The following PDK1 variants were observed in gnomAD, a reference collection of about 807,000 sequenced individuals.
PDK1 encodes the protein [Pyruvate dehydrogenase (acetyl-transferring)] kinase isozyme 1, mitochondrial.
PDK1 carries 39 observed loss-of-function variants against 54.2 expected under a neutral mutation model. The observed-to-expected ratio is 0.72, with a 90% CI of 0.56 to 0.94. PDK1 has a LOEUF of 0.94. Among genes scored for constraint, PDK1 ranks in the 40% least tolerant of loss-of-function variants. PDK1 has a pLI of 0.00. For missense variants in PDK1, 552 were observed against 566.0 expected (o/e 0.98, Z 0.25); for synonymous variants, 221 against 207.1 (o/e 1.07, Z -0.58).
the PDK1 span, among the ~76,000 whole-genome samples, chr2:172,646,340 T>G: frequency 1.7e-4 from 26 of 152,204 alleles, no homozygotes; most frequent in Non-Finnish European, 3.5e-4. Context: ...TGGTGCTCTG[T>G]GGTGGAATAT....
At chr2:172,668,661 G>T in the PDK1 span, among the ~76,000 whole-genome samples, 5 of 151,336 alleles carry the variant, frequency 3.3e-5, no homozygotes, top group Non-Finnish European at 1.5e-5. Flanking sequence ...CCATGATGAT[G>T]ACTGTTTTAT....
At chr2:172,622,587 G>GAT in the PDK1 span, among the ~76,000 whole-genome samples, 2 of 139,086 alleles carry the variant, frequency 1.4e-5, no homozygotes, top group Admixed American at 7.3e-5. Context: ...TATTATGTGA[G>GAT]ATGTTTATAT....
the PDK1 span, among the ~76,000 whole-genome samples, chr2:172,707,234 G>A: frequency 6.6e-6 from 1 of 152,176 alleles, no homozygotes; most frequent in South Asian, 2.1e-4. Context: ...AGGGATGAAA[G>A]TCCTGATCTG....
chr2:172,688,643 A>G, the PDK1 span, among the ~76,000 whole-genome samples: 1 of 152,224 alleles, frequency 6.6e-6, no homozygotes, highest in Non-Finnish European at 1.5e-5. Context: ...GAGGCAGAAG[A>G]GTCTTTAGAC....
the PDK1 span, among the ~76,000 whole-genome samples, chr2:172,622,465 T>A: frequency 6.7e-6 from 1 of 148,244 alleles, no homozygotes; most frequent in Non-Finnish European, 1.5e-5. Context: ...GAGATGTTTA[T>A]ATCTCATATT....
intron 9 of PDK1, among the ~76,000 whole-genome samples, chr2:172,587,234 G>A (rs1690283799): frequency 6.6e-6 from 1 of 152,220 alleles, no homozygotes; most frequent in African/African-American, 2.4e-5. Flanking sequence ...GGTGTATCCA[G>A]AGTTACTTCA....
chr2:172,645,903 A>T, the PDK1 span, among the ~76,000 whole-genome samples: 1 of 152,240 alleles, frequency 6.6e-6, no homozygotes, highest in African/African-American at 2.4e-5. Context: ...GTCAGATGTC[A>T]CACCAAAAAC....
At chr2:172,641,083 ATCCCTCCC>A in the PDK1 span, among the ~76,000 whole-genome samples, 13 of 89,896 alleles carry the variant, frequency 1.4e-4, 1 homozygote, top group East Asian at 2.5e-3. Flanking sequence ...CTCTCTTTCC[ATCCCTCCC>A]TCCCTCCCTC....
the PDK1 span, among the ~76,000 whole-genome samples, chr2:172,683,499 A>AT: frequency 8.5e-5 from 13 of 152,328 alleles, no homozygotes; most frequent in South Asian, 8.3e-4. Context: ...GGGAGCAGGC[A>AT]TCTCACTTGA....
chr2:172,614,233 A>G, the PDK1 span, among the ~76,000 whole-genome samples: 1 of 150,338 alleles, frequency 6.7e-6, no homozygotes, highest in Non-Finnish European at 1.5e-5. Context: ...AGAGTCCTGA[A>G]TGGAAGGGGC....
chr2:172,627,134 G>T, the PDK1 span, among the ~76,000 whole-genome samples: 1 of 152,232 alleles, frequency 6.6e-6, no homozygotes, highest in African/African-American at 2.4e-5. Flanking sequence ...AGGATTGAAT[G>T]ATGCACACGG....
chr2:172,647,113 G>A, the PDK1 span, among the ~76,000 whole-genome samples: 2 of 152,104 alleles, frequency 1.3e-5, no homozygotes, highest in Non-Finnish European at 2.9e-5. Context: ...AGGCCAATAA[G>A]GAGCATACTG....
At chr2:172,672,088 A>C in the PDK1 span, among the ~76,000 whole-genome samples, 1 of 152,176 alleles carries the variant, frequency 6.6e-6, no homozygotes, top group Non-Finnish European at 1.5e-5. Context: ...ACTTTGAAAG[A>C]GACAAGAAGT....
the PDK1 span, among the ~76,000 whole-genome samples, chr2:172,652,861 G>GGAAGA: frequency 6.6e-6 from 1 of 152,170 alleles, no homozygotes; most frequent in Non-Finnish European, 1.5e-5. Flanking sequence ...CTCATGGATA[G>GGAAGA]GAAGAATCAA....
chr2:172,614,144 G>A, the PDK1 span, among the ~76,000 whole-genome samples: 1 of 149,958 alleles, frequency 6.7e-6, no homozygotes, highest in African/African-American at 2.5e-5. Context: ...AATCTCTGCA[G>A]CCTGTGCCCT....
chr2:172,581,538 A>G (rs1869922), intron 8 of PDK1, among the ~76,000 whole-genome samples: 22,719 of 152,244 alleles, frequency 0.15, 1,993 homozygotes, highest in African/African-American at 0.23. Context: ...AAAGGTCTCA[A>G]AAAGACTGTT....
chr2:172,671,847 A>G, the PDK1 span, among the ~76,000 whole-genome samples: 1 of 152,194 alleles, frequency 6.6e-6, no homozygotes, highest in Non-Finnish European at 1.5e-5. Context: ...GAAAGTGAAG[A>G]CAGGTAACAC....
Position 172,587,968 on chromosome 2 carries a change from C to T in PDK1, c.1056+1580C>T, listed in dbSNP as rs188119421. ...AGTGCTGATTGGTATGTTTACGATC[C>T]TTTAGCTAGACAGAAAAGTTCTCCA... On this transcript the variant is annotated intron_variant, in intron 9 of 10. Coordinates refer to ENST00000282077, the MANE Select transcript of PDK1 (RefSeq NM_002610.5). 5.0e-3 allele frequency among the ~76,000 whole-genome samples: 763 copies of T among 152,292 alleles called. 9 individuals carry two copies. The highest frequency in any genetic ancestry group is 0.017 in the African/African-American group (696 of 41,568).
chr2:172,600,147 T>C lies in PDK1; in HGVS notation c.*4178T>C, dbSNP rs939460981. Reference sequence around the variant, plus strand: ...TATGAGGCCAGGACATTTTTAAGTTTGACTCAAATATAAAAAGCCACAGTA... The same window carrying C: ...TATGAGGCCAGGACATTTTTAAGTTCGACTCAAATATAAAAAGCCACAGTA... On this transcript the variant is annotated 3_prime_UTR_variant, in exon 11 of 11. Transcript: ENST00000282077. The C allele has an allele frequency of 6.6e-6, 1 of 152,232 alleles. No individual in the cohort carries two copies. Among genetic ancestry groups the C allele is most frequent in the African/African-American group, 2.4e-5 (1 of 41,470 alleles). The allele number at this position is 152,232 out of a possible 1,614,324, so 9.4% of individuals were successfully genotyped here.
Sources: allele counts gnomAD v4.1 joint callset (sites outside exome capture counted in the v4.1 genomes callset), GRCh38; gene constraint gnomAD v4.1.1; transcripts MANE v1.5; gene names NCBI Gene and HGNC (gene_info 2026-07-23, HGNC 2026-07-21).